NBPF26: variants seen among roughly 807,000 people sequenced by gnomAD.
The protein encoded by NBPF26 is NBPF member 26.
NBPF26 carries 79 observed loss-of-function variants against 119.6 expected under a neutral mutation model. The observed-to-expected ratio is 0.66, with a 90% CI of 0.55 to 0.80. The LOEUF is 0.80. NBPF26 is among the 30% of genes least tolerant of loss of function. The probability of loss-of-function intolerance (pLI) is 0.00; values close to 1 mark genes in which losing one functional copy is unlikely to be tolerated. For missense variants in NBPF26, 800 were observed against 1,198.2 expected, an observed-to-expected ratio of 0.67 and a Z score of 4.91; for synonymous variants, 299 against 457.7, an observed-to-expected ratio of 0.65 and a Z score of 4.43.
intron 4 of NBPF26, among the ~76,000 whole-genome samples, chr1:120,802,599 C>T (rs1170205658): frequency 2.5e-5 from 3 of 119,758 alleles, no homozygotes; most frequent in African/African-American, 1.4e-4. Context: ...TTAAGTTTAC[C>T]TCTTTTTGCA....
At chr1:120,805,650 C>A in exon 5 of NBPF26, 2 of 1,460,680 alleles carry the variant, frequency 1.4e-6, no homozygotes, top group South Asian at 1.2e-5. Flanking sequence ...TTCTAGAAAT[C>A]AACGAGACAT....
intron 2 of NBPF26, among the ~76,000 whole-genome samples, chr1:120,765,693 C>T (rs1280949143): frequency 9.5e-6 from 1 of 105,686 alleles, no homozygotes; most frequent in Non-Finnish European, 1.9e-5. Context: ...GTGTTTACTG[C>T]AGCACTATTT....
chr1:120,790,010 C>CTTTTTTTTT (rs1174501165), intron 3 of NBPF26, among the ~76,000 whole-genome samples: 1 of 34,940 alleles, frequency 2.9e-5, no homozygotes. Flanking sequence ...TTCTGATCAC[C>CTTTTTTTTT]TTTTTTTTTT....
chr1:120,754,277 T>A (rs1468388015), intron 1 of NBPF26, among the ~76,000 whole-genome samples: 2 of 35,510 alleles, frequency 5.6e-5, no homozygotes, highest in African/African-American at 8.0e-4. Flanking sequence ...TTTGTCTTGA[T>A]AATCGTACAA....
exon 10 of NBPF26, chr1:120,812,032 C>G: frequency 7.8e-7 from 1 of 1,287,888 alleles, no homozygotes; most frequent in Non-Finnish European, 1.1e-6. Flanking sequence ...GTTCAGAAAC[C>G]TCAAAGAGAA....
chr1:120,756,353 G>C (rs1651079911), intron 1 of NBPF26, among the ~76,000 whole-genome samples: 1 of 117,544 alleles, frequency 8.5e-6, no homozygotes, highest in South Asian at 2.5e-4. Context: ...ATTGCTACTT[G>C]AAATTTGCAT....
In NBPF26 at chr1:120,823,993, G is replaced by T; in HGVS notation, c.2659G>T (p.Asp887Tyr). The change falls in exon 18 of 30, where the codon GAT becomes TAT. Residue 887 changes from aspartate to tyrosine, a missense_variant. Transcript: ENST00000620612. ...TTCCAGGCTCAGCAGAGAGCTGCTG[G>T]ATGAGAAAGGGCCTGAAGTCTTGCA... The T allele has an allele frequency of 8.2e-6, 7 of 856,492 alleles. 2 individuals carry two copies. The highest frequency in any genetic ancestry group is 1.2e-5 in the Non-Finnish European group (7 of 572,658). The allele number at this position is 856,492 out of a possible 1,614,324, so 53.1% of individuals were successfully genotyped here.
intron 3 of NBPF26, among the ~76,000 whole-genome samples, chr1:120,790,312 C>G (rs1423705058): frequency 8.9e-6 from 1 of 112,592 alleles, no homozygotes; most frequent in Admixed American, 8.4e-5. Context: ...CCACACCGGG[C>G]CGATTCTGAT....
Position 120,777,472 on chromosome 1 carries a change from A to C in NBPF26, c.156-7502A>C, listed in dbSNP as rs1651312139. On this transcript the variant is annotated intron_variant, in intron 2 of 29. Coordinates refer to ENST00000620612, the Ensembl canonical transcript of NBPF26. The stretch of plus-strand genomic sequence containing the variant: ...GTGTGTGTACGTGTGTGAGAGTGAG[A>C]GATTGTATACTTGTCTTTGTTTCTT... Among the ~76,000 whole-genome samples, 2 of 108,706 alleles carry C rather than the reference A, an allele frequency of 1.8e-5. 1 individual carries two copies. Among genetic ancestry groups the C allele is most frequent in the Non-Finnish European group, 3.4e-5 (2 of 58,140 alleles). 71.3% of individuals were successfully genotyped at this position (108,706 alleles called of 152,430 possible). A position where few individuals can be genotyped will look rare whatever the true frequency, so the allele number is the denominator to read the frequency against.
intron 27 of NBPF26, among the ~76,000 whole-genome samples, chr1:120,838,436 G>A (rs1197539262): frequency 3.2e-5 from 1 of 31,632 alleles, no homozygotes; most frequent in African/African-American, 1.6e-4. Flanking sequence ...CACTAACTCA[G>A]AGTGTCCTGT....
At position 120,770,231 on chromosome 1, in the gene NBPF26, G is replaced by A. The variant is rs1452639344; in HGVS notation, c.155+6522G>A. Among the ~76,000 whole-genome samples, 17 of 102,402 alleles carry A rather than the reference G, an allele frequency of 1.7e-4. 3 individuals are homozygous for A. The highest frequency in any genetic ancestry group is 2.9e-4 in the South Asian group (1 of 3,440). 67.2% of individuals were successfully genotyped at this position (102,402 alleles called of 152,430 possible). Reference sequence around the variant, plus strand: ...GTGGCCCAGGCTGGAGTGCAGTGGCGCTTTCTTGGCTCACTGCAAGCTCCG... The same window carrying A: ...GTGGCCCAGGCTGGAGTGCAGTGGCACTTTCTTGGCTCACTGCAAGCTCCG... On this transcript the variant is annotated intron_variant, in intron 2 of 29. Coordinates refer to ENST00000620612, the Ensembl canonical transcript of NBPF26.
chr1:120,808,071 G>A (rs1391300507), intron 6 of NBPF26, among the ~76,000 whole-genome samples: 4,556 of 118,380 alleles, frequency 0.038, 996 homozygotes, highest in Non-Finnish European at 0.052. Context: ...GACTGACTGC[G>A]GCTTCTCATT....
chr1:120,724,260 G>C lies in NBPF26; in HGVS notation c.73+10G>C. On this transcript the variant is annotated intron_variant, in intron 1 of 29. Coordinates refer to ENST00000620612, the Ensembl canonical transcript of NBPF26. The stretch of plus-strand genomic sequence containing the variant: ...GCGGCCCCCGCGCATGGTGAGTATC[G>C]GGCTGAGGGGCGCTGTCCGCGGCGC... 7.2e-7 allele frequency: 1 copy of C among 1,392,524 alleles called. No individual in the cohort carries two copies. The highest frequency in any genetic ancestry group is 9.4e-7 in the Non-Finnish European group (1 of 1,063,538). The allele number at this position is 1,392,524 out of a possible 1,614,324, so 86.3% of individuals were successfully genotyped here.
Position 120,733,132 on chromosome 1 carries a change from TG to T in NBPF26, c.73+8883del, listed in dbSNP as rs1571019686. 6.6e-4 allele frequency among the ~76,000 whole-genome samples: 61 copies of T among 92,566 alleles called. 15 individuals carry two copies. Among genetic ancestry groups the T allele is most frequent in the African/African-American group, 2.1e-3 (28 of 13,184 alleles). The allele number at this position is 92,566 out of a possible 152,430, so 60.7% of individuals were successfully genotyped here. On this transcript the variant is annotated intron_variant, in intron 1 of 29. Coordinates refer to ENST00000620612, the Ensembl canonical transcript of NBPF26. ...TTATTTTTATATATATATATATATA[TG>T]TTTAGTTTATGAACAGATCTACATA...
Position 120,807,864 on chromosome 1 carries a change from A to G in NBPF26, c.1064+155A>G, listed in dbSNP as rs1204105085. 1.2e-4 allele frequency among the ~76,000 whole-genome samples: 14 copies of G among 119,030 alleles called. 1 individual carries two copies. Among genetic ancestry groups the G allele is most frequent in the East Asian group, 4.0e-4 (2 of 4,966 alleles). 78.1% of individuals were successfully genotyped at this position (119,030 alleles called of 152,430 possible). A position where few individuals can be genotyped will look rare whatever the true frequency, so the allele number is the denominator to read the frequency against. ...ACACACAAATATTTATCAAACAGAGAAGGAGGATAGTAAAAATGTATGGGT... is the reference window on the plus strand; with the variant it reads ...ACACACAAATATTTATCAAACAGAGGAGGAGGATAGTAAAAATGTATGGGT... On this transcript the variant is annotated intron_variant, in intron 6 of 29. Coordinates refer to ENST00000620612, the Ensembl canonical transcript of NBPF26.
At position 120,779,723 on chromosome 1, in the gene NBPF26, C is replaced by G. The variant is rs1173511007; in HGVS notation, c.156-5251C>G. 5.4e-4 allele frequency among the ~76,000 whole-genome samples: 66 copies of G among 121,698 alleles called. 11 individuals are homozygous for G. Among genetic ancestry groups the G allele is most frequent in the Admixed American group, 1.1e-3 (14 of 12,656 alleles). The allele number at this position is 121,698 out of a possible 152,430, so 79.8% of individuals were successfully genotyped here. ...TGTTGGGTGTTTAGCCATGTTTTCA[C>G]TCTCTAACCAAATTCAACTTTAGCC... On this transcript the variant is annotated intron_variant, in intron 2 of 29. Coordinates refer to ENST00000620612, the Ensembl canonical transcript of NBPF26.
At position 120,806,590 on chromosome 1, in the gene NBPF26, A is replaced by G. The variant is rs1306388213; in HGVS notation, c.961+825A>G. Among the ~76,000 whole-genome samples the G allele has an allele frequency of 2.4e-5, 3 of 125,788 alleles. 1 individual carries two copies. The highest frequency in any genetic ancestry group is 4.9e-5 in the Non-Finnish European group (3 of 61,576). The allele number at this position is 125,788 out of a possible 152,430, so 82.5% of individuals were successfully genotyped here. ...CATGGGTGACAGGGCAAGACTCGTC[A>G]AAAAACAAACAAACAAAACGATAAA... On this transcript the variant is annotated intron_variant, in intron 5 of 29. Coordinates refer to ENST00000620612, the Ensembl canonical transcript of NBPF26.
chr1:120,785,120 G>A, exon 3 of NBPF26: 1 of 1,446,394 alleles, frequency 6.9e-7, no homozygotes, highest in Non-Finnish European at 9.2e-7. Context: ...GGAGAGGACT[G>A]CCAGTACTCG....
intron 10 of NBPF26, among the ~76,000 whole-genome samples, chr1:120,812,858 G>C (rs1312309144): frequency 9.1e-6 from 1 of 110,002 alleles, no homozygotes; most frequent in African/African-American, 5.1e-5. Context: ...AGGAGGCTGA[G>C]GTTGCAGTGA....
Sources: gnomAD v4.1 joint callset for allele counts (sites outside exome capture counted in the v4.1 genomes callset) on GRCh38, gnomAD v4.1.1 for gene constraint, MANE v1.5 for transcripts, NCBI Gene and HGNC (gene_info 2026-07-23, HGNC 2026-07-21) for gene names.